The following ADAMTSL1 variants were observed in gnomAD, a reference collection of about 807,000 sequenced individuals.
ADAMTSL1 encodes the protein ADAMTS-like protein 1.
A neutral mutation model predicts 201.8 loss-of-function variants in ADAMTSL1; 126 were observed. The ratio of observed to expected loss-of-function variants is 0.62; its 90% CI spans 0.54 to 0.72. The LOEUF (loss-of-function observed/expected upper bound fraction) is 0.72, where lower values mean the gene tolerates loss of function less well. Among genes scored for constraint, ADAMTSL1 ranks in the 30% least tolerant of loss-of-function variants. The pLI is 0.00. For synonymous variants in ADAMTSL1, 1,121 were observed against 903.4 expected (o/e 1.24, Z -4.32); for missense variants, 2,679 against 2,277.8 (o/e 1.18, Z -3.59).
chr9:18,582,799 A>G (rs1823189435), intron 4 of ADAMTSL1, among the ~76,000 whole-genome samples: 1 of 152,108 alleles, frequency 6.6e-6, no homozygotes, highest in Admixed American at 6.6e-5. Context: ...CAGTGAGCCA[A>G]GATTGCACCA....
intron 2 of ADAMTSL1, among the ~76,000 whole-genome samples, chr9:18,454,446 A>G: frequency 6.6e-6 from 1 of 152,296 alleles, no homozygotes; most frequent in African/African-American, 2.4e-5. Flanking sequence ...ACACCCTCAC[A>G]GACACACCCA....
intron 1 of ADAMTSL1, among the ~76,000 whole-genome samples, chr9:18,104,578 A>C (rs150883483): frequency 6.5e-4 from 99 of 152,232 alleles, no homozygotes; most frequent in Non-Finnish European, 1.1e-3. Context: ...TAGACACTGC[A>C]GACTCCAAAA....
At chr9:18,472,988 A>T (rs187957161), upstream of ADAMTSL1, among the ~76,000 whole-genome samples, 2 of 152,318 alleles carry the variant, frequency 1.3e-5, no homozygotes, top group Admixed American at 1.3e-4. Flanking sequence ...TTGCTGGTGG[A>T]TTAAGCAGCT....
intron 2 of ADAMTSL1, among the ~76,000 whole-genome samples, chr9:18,380,046 T>C (rs1244281979): frequency 6.6e-6 from 1 of 152,232 alleles, no homozygotes; most frequent in Non-Finnish European, 1.5e-5. Flanking sequence ...TACTTTCCCA[T>C]TTTCCTCATT....
chr9:18,196,808 C>T (rs1272281799), intron 2 of ADAMTSL1, among the ~76,000 whole-genome samples: 2 of 152,034 alleles, frequency 1.3e-5, no homozygotes, highest in African/African-American at 4.8e-5. Flanking sequence ...AGGGACTTTG[C>T]CCAAGCTGTT....
intron 2 of ADAMTSL1, among the ~76,000 whole-genome samples, chr9:18,253,941 A>G (rs1160838424): frequency 2.6e-5 from 4 of 152,172 alleles, no homozygotes; most frequent in Non-Finnish European, 4.4e-5. Context: ...GCACATTGCC[A>G]TCTTCATTCC....
chr9:18,057,266 C>G (rs1299490439), intron 1 of ADAMTSL1, among the ~76,000 whole-genome samples: 2 of 152,098 alleles, frequency 1.3e-5, no homozygotes, highest in Non-Finnish European at 2.9e-5. Context: ...TTGAGTCAGA[C>G]GATTTTTCCT....
intron 6 of ADAMTSL1, among the ~76,000 whole-genome samples, chr9:18,637,011 G>A (rs1363954092): frequency 6.6e-6 from 1 of 152,062 alleles, no homozygotes; most frequent in Non-Finnish European, 1.5e-5. Context: ...ACAAGAGGAA[G>A]ACAAATTGAA....
At position 18,325,250 on chromosome 9, in the gene ADAMTSL1, G is replaced by A. The variant is rs1006667322; in HGVS notation, c.207+161269G>A. The stretch of plus-strand genomic sequence containing the variant: ...ATTCTACTTTTGTATATTTACCTAA[G>A]GGAGATGAAAACATAACATCCACAA... On this transcript the variant is annotated intron_variant, in intron 2 of 29. Transcript: ENST00000680146. Among the ~76,000 whole-genome samples, 12 of 152,274 alleles carry A rather than the reference G, an allele frequency of 7.9e-5. No individual in the cohort carries two copies. The East Asian group carries it at 2.1e-3, about 27-fold the overall frequency.
intron 10 of ADAMTSL1, 21 bp downstream of exon 10, chr9:18,675,928 G>A (rs1191375704): frequency 1.2e-6 from 2 of 1,609,262 alleles, no homozygotes; most frequent in South Asian, 1.1e-5. Flanking sequence ...CAATCATCCT[G>A]ATGTTAGAAT....
intron 1 of ADAMTSL1, among the ~76,000 whole-genome samples, chr9:17,926,534 A>G (rs1235194715): frequency 6.6e-6 from 1 of 152,168 alleles, no homozygotes; most frequent in Non-Finnish European, 1.5e-5. Flanking sequence ...TGCTCTAAAT[A>G]AATACTTCCA....
chr9:17,950,625 A>ATGTATACAT (rs1186807638), intron 1 of ADAMTSL1, among the ~76,000 whole-genome samples: 1 of 151,914 alleles, frequency 6.6e-6, no homozygotes, highest in Non-Finnish European at 1.5e-5. Context: ...TACATAAGAG[A>ATGTATACAT]ACTGGTTCAT....
intron 1 of ADAMTSL1, among the ~76,000 whole-genome samples, chr9:17,928,084 T>C (rs772975156): frequency 3.9e-4 from 59 of 151,930 alleles, no homozygotes; most frequent in Admixed American, 1.4e-3. Flanking sequence ...AGCCTCGACT[T>C]CCTGGGCTCA....
At chr9:18,637,293 T>G (rs1336644938) in intron 6 of ADAMTSL1, among the ~76,000 whole-genome samples, 2 of 152,130 alleles carry the variant, frequency 1.3e-5, no homozygotes, top group African/African-American at 4.8e-5. Flanking sequence ...TTTCCCCATT[T>G]GAGAACTGGA....
intron 4 of ADAMTSL1, among the ~76,000 whole-genome samples, chr9:18,603,513 C>T (rs566800171): frequency 3.9e-5 from 6 of 152,146 alleles, no homozygotes; most frequent in Non-Finnish European, 8.8e-5. Flanking sequence ...GTTTTGTCCA[C>T]ATCTTGTTAG....
intron 1 of ADAMTSL1, among the ~76,000 whole-genome samples, chr9:18,050,343 T>C (rs1022878563): frequency 2.6e-5 from 4 of 152,190 alleles, no homozygotes; most frequent in African/African-American, 9.7e-5. Context: ...TTGAGTTTTT[T>C]ATATATCTAT....
chr9:17,921,717 G>A (rs1402166052), intron 1 of ADAMTSL1, among the ~76,000 whole-genome samples: 3 of 152,110 alleles, frequency 2.0e-5, no homozygotes, highest in Non-Finnish European at 4.4e-5. Context: ...TAGAGGCCCA[G>A]GGTCTAGTTC....
At chr9:18,176,559 A>G (rs1294769245) in intron 2 of ADAMTSL1, among the ~76,000 whole-genome samples, 2 of 152,184 alleles carry the variant, frequency 1.3e-5, no homozygotes, top group Non-Finnish European at 2.9e-5. Flanking sequence ...TCCCTCTCGT[A>G]ATGGAAGAAG....
chr9:18,110,413 T>G (rs1031033514), intron 1 of ADAMTSL1, among the ~76,000 whole-genome samples: 8 of 152,154 alleles, frequency 5.3e-5, no homozygotes, highest in African/African-American at 1.9e-4. Context: ...ATCTCCATAA[T>G]TCAGGCCACC....
Sources: allele counts gnomAD v4.1 joint callset (sites outside exome capture counted in the v4.1 genomes callset), GRCh38; gene constraint gnomAD v4.1.1; transcripts MANE v1.5; gene names NCBI Gene and HGNC (gene_info 2026-07-23, HGNC 2026-07-21).